Variants in DAPK1 observed in about 807,000 individuals in gnomAD.
The protein encoded by DAPK1 is death associated protein kinase 1, also known as death-associated protein kinase 1.
DAPK1 carries 56 observed loss-of-function variants against 144.9 expected under a neutral mutation model. That is an observed-to-expected ratio of 0.39 (90% confidence interval 0.31 to 0.48). The LOEUF (loss-of-function observed/expected upper bound fraction) is 0.48, where lower values mean the gene tolerates loss of function less well. Among genes scored for constraint, DAPK1 ranks in the 20% least tolerant of loss-of-function variants. The pLI is 0.95. For synonymous variants in DAPK1, 690 were observed against 749.0 expected, an observed-to-expected ratio of 0.92 and a Z score of 1.29; for missense variants, 1,454 against 1,875.4, an observed-to-expected ratio of 0.78 and a Z score of 4.15.
chr9:87,511,736 A>T (rs1824854735), intron 2 of DAPK1, among the ~76,000 whole-genome samples: 1 of 135,962 alleles, frequency 7.4e-6, no homozygotes, highest in African/African-American at 2.7e-5. Flanking sequence ...TCCCAGATGG[A>T]GTCTCACTCT....
chr9:87,647,448 G>T, intron 14 of DAPK1, 45 bp downstream of exon 14: 3 of 1,524,752 alleles, frequency 2.0e-6, no homozygotes, highest in Non-Finnish European at 2.7e-6. Context: ...GTAGTAAATG[G>T]ATGCATGTGA....
At chr9:87,578,059 C>T (rs777211659) in intron 2 of DAPK1, among the ~76,000 whole-genome samples, 4 of 152,116 alleles carry the variant, frequency 2.6e-5, no homozygotes, top group Non-Finnish European at 5.9e-5. Flanking sequence ...TGATATTTTT[C>T]GGTGGCAGCC....
In DAPK1 at chr9:87,636,016, G is replaced by A. The variant is rs542353225; in HGVS notation, c.285-1927G>A. ...TATAGTTGAAGGATTTTCTCTCCCC[G>A]TTGTTTGTTTTAAGAATAAGATGCA... On this transcript the variant is annotated intron_variant, in intron 3 of 25. Transcript: ENST00000408954. 1.1e-3 allele frequency among the ~76,000 whole-genome samples: 167 copies of A among 152,262 alleles called. 2 individuals carry two copies. Among genetic ancestry groups the A allele is most frequent in the Non-Finnish European group, 2.2e-3 (147 of 68,008 alleles).
rs758394250 is a variant in DAPK1 at position 87,650,115 on chromosome 9, C to A, written c.1623C>A (p.Asp541Glu). ...AEHGADLNAC[D>E]KDGHIALHLA... ...ATGGAGCCGACCTTAATGCTTGCGA[C>A]AAGGTGCCTTATGGGGGAAGACTCA... Residue 541 changes from aspartate (D) to glutamate (E), a missense_variant, in exon 16 of 26, where the codon GAC becomes GAA. Physicochemically the swap from Asp to Glu is conservative, Grantham distance 45. Transcript: ENST00000408954. 6.2e-7 allele frequency: 1 copy of A among 1,613,982 alleles called. No individual in the cohort carries two copies. The highest frequency in any genetic ancestry group is 1.1e-5 in the South Asian group (1 of 91,080).
At chr9:87,697,347 T>C (rs1825296392) in intron 22 of DAPK1, 143 bp downstream of exon 22, 2 of 624,298 alleles carry the variant, frequency 3.2e-6, no homozygotes, top group Non-Finnish European at 5.8e-6. Flanking sequence ...CGTTTGTGGC[T>C]AACAGCTGAG....
At chr9:87,526,861 A>G (rs1312476484) in intron 2 of DAPK1, among the ~76,000 whole-genome samples, 1 of 152,200 alleles carries the variant, frequency 6.6e-6, no homozygotes, top group Non-Finnish European at 1.5e-5. Flanking sequence ...GATGCCAATT[A>G]GACATGTTAT....
At chr9:87,646,794 C>T (rs1211013462) in intron 13 of DAPK1, among the ~76,000 whole-genome samples, 1 of 152,196 alleles carries the variant, frequency 6.6e-6, no homozygotes, top group African/African-American at 2.4e-5. Context: ...TTTCTTTGTA[C>T]ACTACCCAGA....
At chr9:87,520,569 C>T (rs910401639) in intron 2 of DAPK1, among the ~76,000 whole-genome samples, 3 of 152,122 alleles carry the variant, frequency 2.0e-5, no homozygotes, top group East Asian at 1.9e-4. Flanking sequence ...TTTAAAAATC[C>T]GCCACTTTGG....
At chr9:87,650,807 A>G (rs897780112) in intron 16 of DAPK1, among the ~76,000 whole-genome samples, 1 of 152,222 alleles carries the variant, frequency 6.6e-6, no homozygotes, top group Non-Finnish European at 1.5e-5. Context: ...TGCTACTGGC[A>G]TCTCGTCGAT....
At chr9:87,570,084 A>G (rs1827274661) in intron 2 of DAPK1, among the ~76,000 whole-genome samples, 2 of 152,146 alleles carry the variant, frequency 1.3e-5, no homozygotes, top group Non-Finnish European at 2.9e-5. Flanking sequence ...TGAAGTTTGC[A>G]TAACTGAGTC....
chr9:87,633,094 G>A (rs1314986461), intron 3 of DAPK1: 9 of 980,766 alleles, frequency 9.2e-6, no homozygotes, highest in African/African-American at 1.8e-5. Context: ...TAGGAATGAA[G>A]GAGGATGAGT....
intron 2 of DAPK1, among the ~76,000 whole-genome samples, chr9:87,556,776 A>G (rs556933706): frequency 6.6e-6 from 1 of 152,314 alleles, no homozygotes; most frequent in South Asian, 2.1e-4. Context: ...AGGAGAAGGA[A>G]TGCTCTCCTC....
chr9:87,645,866 C>G (rs1471500713), intron 11 of DAPK1, 29 bp from the exon 12 acceptor site: 1 of 1,611,366 alleles, frequency 6.2e-7, no homozygotes, highest in South Asian at 1.1e-5. Flanking sequence ...CAATGTAACT[C>G]TGTTTCCATC....
intron 10 of DAPK1, 62 bp downstream of exon 10, chr9:87,642,120 T>G: frequency 7.6e-7 from 1 of 1,314,506 alleles, no homozygotes; most frequent in Non-Finnish European, 1.1e-6. Flanking sequence ...TAGTGTGTGG[T>G]CAGGGTGCAT....
chr9:87,602,098 G>C (rs1828542873), intron 2 of DAPK1, among the ~76,000 whole-genome samples: 1 of 152,138 alleles, frequency 6.6e-6, no homozygotes, highest in Admixed American at 6.5e-5. Flanking sequence ...TTTCGACTCA[G>C]GGATATGGCA....
At chr9:87,500,559 G>A in intron 2 of DAPK1, among the ~76,000 whole-genome samples, 1 of 152,194 alleles carries the variant, frequency 6.6e-6, no homozygotes, top group Non-Finnish European at 1.5e-5. Context: ...GTTAGAAAGA[G>A]AGATGACTAA....
rs1023209686 is a variant in DAPK1 at position 87,674,049 on chromosome 9, G to A, written c.2001+5375G>A. On this transcript the variant is annotated intron_variant, in intron 19 of 25. Transcript: ENST00000408954. ...GAGGGACCCCTTCTATGGGAAAGGGGTTGATCTAGATTTTTATATCAGCAC... is the reference window on the plus strand; with the variant it reads ...GAGGGACCCCTTCTATGGGAAAGGGATTGATCTAGATTTTTATATCAGCAC... Among the ~76,000 whole-genome samples the A allele has an allele frequency of 2.0e-5, 3 of 152,286 alleles. No individual in the cohort carries two copies. In the East Asian group the frequency reaches 5.8e-4, roughly 29 times the overall value.
chr9:87,497,964 G>GGCCGGC lies in DAPK1; in HGVS notation c.-248_-243dup, dbSNP rs1281650803. The GGCCGGC allele has an allele frequency of 3.0e-5, 12 of 396,890 alleles. No individual in the cohort carries two copies. The highest frequency in any genetic ancestry group is 2.2e-4 in the Admixed American group (5 of 22,688). The allele number at this position is 396,890 out of a possible 1,614,324, so 24.6% of individuals were successfully genotyped here. On this transcript the variant is annotated 5_prime_UTR_variant, in exon 1 of 26. Coordinates refer to ENST00000408954, the MANE Select transcript of DAPK1 (RefSeq NM_004938.4). ...GGCAACTCGCAGCGGCAGGGTCTGG[G>GGCCGGC]GCCGGCGCCTGGGAGGGATCTGCGC...
chr9:87,686,721 C>A lies in DAPK1; in HGVS notation c.2395C>A (p.Gln799Lys). ...DDQSTKAIDI[Q>K]NAYLNGVGDF... ...CCAGTCCACCAAGGCCATCGACATC[C>A]AGAACGCTTATTTGAATGGTATGCC... Residue 799 changes from glutamine (Q) to lysine (K), a missense_variant, in exon 21 of 26, where the codon CAG (glutamine) becomes AAG (lysine). By Grantham distance (53) the Gln-to-Lys change is moderately conservative. Around this residue, in one of 2 missense-constraint regions of DAPK1, gnomAD observed 1,025 missense variants for 1,237.9 expected, o/e 0.83. Coordinates refer to ENST00000408954, the MANE Select transcript of DAPK1 (RefSeq NM_004938.4). The surrounding 1 kb of genome is among the most constrained non-coding windows in gnomAD (Gnocchi z 4.2). The A allele has an allele frequency of 6.2e-7, 1 of 1,612,464 alleles. No homozygotes were observed. The highest frequency in any genetic ancestry group is 8.5e-7 in the Non-Finnish European group (1 of 1,178,682).
Sources: gnomAD v4.1 joint callset for allele counts (sites outside exome capture counted in the v4.1 genomes callset) on GRCh38, gnomAD v4.1.1 for gene constraint, gnomAD v4.1.1 regional missense constraint, Gnocchi (gnomAD v3.1) non-coding constraint, MANE v1.5 for transcripts, NCBI Gene and HGNC (gene_info 2026-07-23, HGNC 2026-07-21) for gene names.